METAP1D: variants seen among roughly 807,000 people sequenced by gnomAD.
METAP1D encodes the protein methionyl aminopeptidase type 1D, mitochondrial, also known as methionine aminopeptidase 1D, mitochondrial.
METAP1D carries 31 observed loss-of-function variants against 40.5 expected under a neutral mutation model. The ratio of observed to expected loss-of-function variants is 0.77; its 90% confidence interval spans 0.58 to 1.03. The LOEUF is 1.03. Ranked by LOEUF, METAP1D falls within the 50% of genes least tolerant of loss-of-function variation. The probability of loss-of-function intolerance (pLI) is 0.00; values close to 1 mark genes in which losing one functional copy is unlikely to be tolerated. For missense variants in METAP1D, 411 were observed against 420.7 expected (o/e 0.98, Z 0.20); for synonymous variants, 151 against 146.4 (o/e 1.03, Z -0.22).
Position 172,066,398 on chromosome 2 carries a change from T to C in METAP1D, c.540+92T>C, listed in dbSNP as rs1574139495. On this transcript the variant is annotated intron_variant, in intron 5 of 9. Transcript: ENST00000315796. ...GGATTGAAAATGTGAACTGCACCAGTGGAAGTGCTGTTTACTTCTAGACCC... is the reference window on the plus strand; with the variant it reads ...GGATTGAAAATGTGAACTGCACCAGCGGAAGTGCTGTTTACTTCTAGACCC... The C allele has an allele frequency of 2.9e-6, 3 of 1,026,190 alleles. No individual in the cohort carries two copies. In the East Asian group the frequency reaches 7.3e-5, roughly 25 times the overall value. The allele number at this position is 1,026,190 out of a possible 1,614,324, so 63.6% of individuals were successfully genotyped here. A position where few individuals can be genotyped will look rare whatever the true frequency, so the allele number is the denominator to read the frequency against.
At chr2:172,073,508 A>T (rs1036598569) in intron 6 of METAP1D, among the ~76,000 whole-genome samples, 15 of 152,178 alleles carry the variant, frequency 9.9e-5, no homozygotes, top group Admixed American at 5.2e-4. Context: ...TGAAAACCAG[A>T]TCAGTCAGTC....
At chr2:172,038,694 A>G (rs1389970576) in intron 1 of METAP1D, among the ~76,000 whole-genome samples, 2 of 152,230 alleles carry the variant, frequency 1.3e-5, no homozygotes, top group Admixed American at 1.3e-4. Flanking sequence ...CGGCAAAAGG[A>G]ATGATAATTA....
intron 1 of METAP1D, among the ~76,000 whole-genome samples, chr2:172,049,302 G>A (rs1323372117): frequency 6.6e-6 from 1 of 151,518 alleles, no homozygotes; most frequent in Non-Finnish European, 1.5e-5. Context: ...AGTACAAAAA[G>A]TAACAGATAG....
chr2:172,024,063 G>A (rs1303690796), intron 1 of METAP1D, among the ~76,000 whole-genome samples: 2 of 152,040 alleles, frequency 1.3e-5, no homozygotes. Context: ...GTTTCACTGT[G>A]TTAGCCAGGA....
intron 1 of METAP1D, among the ~76,000 whole-genome samples, chr2:172,020,347 C>G (rs1688977336): frequency 6.6e-6 from 1 of 152,156 alleles, no homozygotes; most frequent in Non-Finnish European, 1.5e-5. Flanking sequence ...GGCTTTTCCT[C>G]CCTGCAATTT....
intron 7 of METAP1D, among the ~76,000 whole-genome samples, chr2:172,078,583 A>T (rs1574148532): frequency 6.6e-6 from 1 of 152,120 alleles, no homozygotes; most frequent in African/African-American, 2.4e-5. Flanking sequence ...TATGGACTTG[A>T]TTGGTCCATA....
At chr2:172,040,491 C>T (rs879328334) in intron 1 of METAP1D, among the ~76,000 whole-genome samples, 9 of 152,012 alleles carry the variant, frequency 5.9e-5, no homozygotes, top group African/African-American at 9.7e-5. Context: ...AGAGCATTTG[C>T]CCCAAGGGAG....
chr2:172,026,329 T>A (rs1295569231), intron 1 of METAP1D, among the ~76,000 whole-genome samples: 1 of 152,188 alleles, frequency 6.6e-6, no homozygotes, highest in Non-Finnish European at 1.5e-5. Context: ...CCTCCTGAAG[T>A]ATGATCAGAT....
rs1160015918 is a variant in METAP1D at position 172,042,439 on chromosome 2, A to G, written c.41-19059A>G. Among the ~76,000 whole-genome samples the G allele has an allele frequency of 9.6e-5, 5 of 51,926 alleles. 2 individuals carry two copies. Among genetic ancestry groups the G allele is most frequent in the Admixed American group, 4.2e-4 (2 of 4,750 alleles). The allele number at this position is 51,926 out of a possible 152,430, so 34.1% of individuals were successfully genotyped here. On this transcript the variant is annotated intron_variant, in intron 1 of 9. Coordinates refer to ENST00000315796, the MANE Select transcript of METAP1D (RefSeq NM_199227.3). ...TACATGTGTACATATATACATATGT[A>G]TGTGTACATGCGTACATATATACAT...
chr2:172,066,335 T>C, intron 5 of METAP1D, 29 bp downstream of exon 5: 1 of 1,580,976 alleles, frequency 6.3e-7, no homozygotes, highest in South Asian at 1.1e-5. Flanking sequence ...AAATTGTCTT[T>C]GATCAACTTC....
At chr2:172,071,619 TCA>T (rs1690422893) in intron 6 of METAP1D, among the ~76,000 whole-genome samples, 1 of 152,228 alleles carries the variant, frequency 6.6e-6, no homozygotes, top group Non-Finnish European at 1.5e-5. Context: ...TGTTTATTTT[TCA>T]CAGAGTATTC....
rs1374097176 is a variant in METAP1D, at chr2:172,006,185, TG to T, written c.40+6177del. On this transcript the variant is annotated intron_variant, in intron 1 of 9. Coordinates refer to ENST00000315796, the MANE Select transcript of METAP1D (RefSeq NM_199227.3). ...CATACAAGCAGATATTTATAGTTTT[TG>T]TTTTTTTTTTTTTTTGAGACGAAGT... 9.4e-3 allele frequency among the ~76,000 whole-genome samples: 501 copies of T among 53,492 alleles called. 11 individuals carry two copies. Among genetic ancestry groups the T allele is most frequent in the African/African-American group, 0.031 (482 of 15,762 alleles). The allele number at this position is 53,492 out of a possible 152,430, so 35.1% of individuals were successfully genotyped here. A position where few individuals can be genotyped will look rare whatever the true frequency, so the allele number is the denominator to read the frequency against.
intron 1 of METAP1D, among the ~76,000 whole-genome samples, chr2:172,045,736 T>C (rs1452667606): frequency 1.5e-5 from 1 of 66,102 alleles, no homozygotes; most frequent in African/African-American, 3.8e-5. Flanking sequence ...TGTGTGTATA[T>C]ATATGTGTAT....
chr2:172,024,686 T>G (rs1689083557), intron 1 of METAP1D, among the ~76,000 whole-genome samples: 1 of 152,010 alleles, frequency 6.6e-6, no homozygotes, highest in East Asian at 1.9e-4. Flanking sequence ...CACCTCCACT[T>G]TATCAGAATG....
chr2:172,041,096 A>G (rs918180543), intron 1 of METAP1D, among the ~76,000 whole-genome samples: 8 of 152,082 alleles, frequency 5.3e-5, no homozygotes, highest in African/African-American at 1.7e-4. Flanking sequence ...TGATAGCCAC[A>G]GTATACAAGA....
intron 1 of METAP1D, among the ~76,000 whole-genome samples, chr2:172,009,877 G>T (rs1238129378): frequency 6.6e-6 from 1 of 152,102 alleles, no homozygotes; most frequent in East Asian, 1.9e-4. Flanking sequence ...GTACAGAGGA[G>T]AAATCATCAT....
Position 172,044,288 on chromosome 2 carries a change from C to T in METAP1D, c.41-17210C>T, listed in dbSNP as rs940192540. Among the ~76,000 whole-genome samples the T allele has an allele frequency of 1.6e-5, 2 of 128,002 alleles. 1 individual carries two copies. Among genetic ancestry groups the T allele is most frequent in the Non-Finnish European group, 3.6e-5 (2 of 55,434 alleles). 84.0% of individuals were successfully genotyped at this position (128,002 alleles called of 152,430 possible). ...AAAAATAAGTCAGGTGGGCTGGGCA[C>T]GGTGGCTCACACCTGTAATCTCAGC... On this transcript the variant is annotated intron_variant, in intron 1 of 9. Coordinates refer to ENST00000315796, the MANE Select transcript of METAP1D (RefSeq NM_199227.3).
intron 7 of METAP1D, among the ~76,000 whole-genome samples, chr2:172,078,828 C>G (rs1413255233): frequency 6.6e-6 from 1 of 152,200 alleles, no homozygotes; most frequent in Non-Finnish European, 1.5e-5. Flanking sequence ...TCCTTTGCAT[C>G]CTTCCCCAGG....
chr2:172,031,227 G>T (rs1316446514), intron 1 of METAP1D, among the ~76,000 whole-genome samples: 2 of 152,134 alleles, frequency 1.3e-5, no homozygotes, highest in African/African-American at 4.8e-5. Flanking sequence ...CCTCATAAAG[G>T]CTTAGTTTAA....
Sources: gnomAD v4.1 joint callset for allele counts (sites outside exome capture counted in the v4.1 genomes callset) on GRCh38, gnomAD v4.1.1 for gene constraint, MANE v1.5 for transcripts, NCBI Gene and HGNC (gene_info 2026-07-23, HGNC 2026-07-21) for gene names.